Variants in RAB30 observed in about 807,000 individuals in gnomAD.
RAB30 encodes RAB30, member RAS oncogene family.
In RAB30, 9 loss-of-function variants were observed where a neutral mutation model predicts 25.1. The observed-to-expected ratio is 0.36, with a 90% confidence interval of 0.22 to 0.63. The LOEUF (loss-of-function observed/expected upper bound fraction) is 0.63, where lower values mean the gene tolerates loss of function less well. Ranked by LOEUF, RAB30 falls within the 20% of genes least tolerant of loss-of-function variation. RAB30 has a pLI of 0.69. For missense variants in RAB30, 140 were observed against 243.5 expected (o/e 0.58, Z 2.83); for synonymous variants, 77 against 86.4 (o/e 0.89, Z 0.60).
chr11:82,990,208 G>A (rs994253496), intron 3 of RAB30, among the ~76,000 whole-genome samples: 16 of 152,270 alleles, frequency 1.1e-4, no homozygotes, highest in Non-Finnish European at 1.0e-4. Flanking sequence ...TTGCCTCACC[G>A]TCATAATAAT....
intron 1 of RAB30, among the ~76,000 whole-genome samples, chr11:83,021,173 T>G (rs1283779815): frequency 6.6e-6 from 1 of 152,234 alleles, no homozygotes; most frequent in Non-Finnish European, 1.5e-5. Context: ...TTGCTTACCC[T>G]TCCGCCTGTC....
At chr11:82,991,569 A>G (rs1161603174) in intron 3 of RAB30, among the ~76,000 whole-genome samples, 2 of 151,182 alleles carry the variant, frequency 1.3e-5, no homozygotes, top group East Asian at 3.9e-4. Flanking sequence ...GCCCTCTTCT[A>G]AGAAAGGATT....
At chr11:82,993,824 A>G (rs1856904990) in intron 3 of RAB30, among the ~76,000 whole-genome samples, 2 of 152,158 alleles carry the variant, frequency 1.3e-5, no homozygotes, top group Admixed American at 1.3e-4. Flanking sequence ...TGCCTTAGCC[A>G]TTTTCTGTCT....
chr11:83,039,384 A>C (rs992037954), intron 1 of RAB30, among the ~76,000 whole-genome samples: 3 of 152,234 alleles, frequency 2.0e-5, no homozygotes, highest in African/African-American at 7.2e-5. Flanking sequence ...AAGTCCTAAG[A>C]AATGCCATTC....
At chr11:83,003,432 C>CT (rs989818786) in intron 1 of RAB30, among the ~76,000 whole-genome samples, 2 of 151,582 alleles carry the variant, frequency 1.3e-5, no homozygotes, top group African/African-American at 2.4e-5. Flanking sequence ...TTTCTTTTTT[C>CT]TTTTTTTTAG....
At chr11:83,069,867 C>T (rs1858792023) in intron 1 of RAB30, among the ~76,000 whole-genome samples, 1 of 152,150 alleles carries the variant, frequency 6.6e-6, no homozygotes, top group South Asian at 2.1e-4. Context: ...CATTGCTGCT[C>T]ATCCTGCCAA....
Position 82,987,905 on chromosome 11 carries a change from TAAAAAA to T in RAB30, c.178-141_178-136del, listed in dbSNP as rs35726383. On this transcript the variant is annotated intron_variant, in intron 3 of 4. Coordinates refer to ENST00000527633, the MANE Select transcript of RAB30 (RefSeq NM_001286060.2). Reference sequence around the variant, plus strand: ...ACAATTTCATGGTTATTTTCTGCCCTAAAAAAAAAAAAAAAAAAAAAAAAAAAAGCA... The same window carrying T: ...ACAATTTCATGGTTATTTTCTGCCCTAAAAAAAAAAAAAAAAAAAAAAGCA... The T allele has an allele frequency of 9.7e-3, 345 of 35,426 alleles. 3 individuals carry two copies. The highest frequency in any genetic ancestry group is 0.031 in the African/African-American group (254 of 8,184). The allele number at this position is 35,426 out of a possible 1,614,324, so 2.2% of individuals were successfully genotyped here. A position where few individuals can be genotyped will look rare whatever the true frequency, so the allele number is the denominator to read the frequency against.
chr11:83,071,065 A>G (rs1376250708), intron 1 of RAB30, among the ~76,000 whole-genome samples: 1 of 152,238 alleles, frequency 6.6e-6, no homozygotes, highest in Non-Finnish European at 1.5e-5. Context: ...AGCAGCCTGA[A>G]AGAACCTTCG....
rs372727150 is a variant in RAB30 at position 83,025,574 on chromosome 11, T to C, written c.-8-28250A>G. The stretch of plus-strand genomic sequence containing the variant: ...GAAATTACAATGCTGAATTATCCAG[T>C]CTGAGAGTTAACATGTTTACTGGGA... On this transcript the variant is annotated intron_variant, in intron 1 of 4. Transcript: ENST00000527633. 2.6e-3 allele frequency among the ~76,000 whole-genome samples: 400 copies of C among 152,326 alleles called. 1 individual carries two copies. The highest frequency in any genetic ancestry group is 9.1e-3 in the African/African-American group (377 of 41,568).
At chr11:83,009,933 T>C (rs1857268762) in intron 1 of RAB30, among the ~76,000 whole-genome samples, 1 of 152,182 alleles carries the variant, frequency 6.6e-6, no homozygotes, top group African/African-American at 2.4e-5. Context: ...ACCTATTTAC[T>C]TACTTTTACT....
intron 1 of RAB30, among the ~76,000 whole-genome samples, chr11:83,007,279 G>A (rs1857204441): frequency 6.6e-6 from 1 of 152,168 alleles, no homozygotes; most frequent in Admixed American, 6.5e-5. Context: ...CACATGCCAT[G>A]GATTGGGGGT....
chr11:83,001,754 T>C (rs1857090281), intron 1 of RAB30, among the ~76,000 whole-genome samples: 2 of 152,242 alleles, frequency 1.3e-5, no homozygotes, highest in East Asian at 3.9e-4. Flanking sequence ...GGGAAACCCA[T>C]TCAAAAGCAT....
At chr11:83,012,827 T>C (rs1857332757) in intron 1 of RAB30, among the ~76,000 whole-genome samples, 1 of 152,192 alleles carries the variant, frequency 6.6e-6, no homozygotes, top group African/African-American at 2.4e-5. Flanking sequence ...GCTTTGCTTC[T>C]CATGACCTGT....
chr11:83,071,644 G>A (rs755514), intron 1 of RAB30, 47 bp downstream of exon 1: 39,012 of 153,588 alleles, frequency 0.25, 5,727 homozygotes, highest in Admixed American at 0.32. Context: ...GAACTAAGCG[G>A]GAGGAATAAC....
At chr11:83,044,026 G>A (rs1157199756) in intron 1 of RAB30, among the ~76,000 whole-genome samples, 2 of 152,164 alleles carry the variant, frequency 1.3e-5, no homozygotes, top group Non-Finnish European at 2.9e-5. Flanking sequence ...CAGCCATTAA[G>A]GTTTTCTTCC....
chr11:83,039,296 T>C (rs970801652), intron 1 of RAB30, among the ~76,000 whole-genome samples: 20 of 152,230 alleles, frequency 1.3e-4, no homozygotes, highest in African/African-American at 4.1e-4. Context: ...ATCAATTTAA[T>C]TGAGAGTTTG....
intron 1 of RAB30, among the ~76,000 whole-genome samples, chr11:83,051,592 G>C (rs776220410): frequency 6.6e-6 from 1 of 152,044 alleles, no homozygotes; most frequent in South Asian, 2.1e-4. Flanking sequence ...GTCAGAACAG[G>C]GTAATAATTC....
chr11:82,986,177 T>C, intron 4 of RAB30, among the ~76,000 whole-genome samples: 1 of 152,170 alleles, frequency 6.6e-6, no homozygotes, highest in South Asian at 2.1e-4. Context: ...TATTGAAACA[T>C]GAATTAATAC....
intron 1 of RAB30, among the ~76,000 whole-genome samples, chr11:83,000,667 G>A (rs532077924): frequency 5.9e-4 from 90 of 152,258 alleles, no homozygotes; most frequent in Non-Finnish European, 9.6e-4. Context: ...GAAATCCAGA[G>A]GAGAATGTCA....
Sources: allele counts gnomAD v4.1 joint callset (sites outside exome capture counted in the v4.1 genomes callset), GRCh38; gene constraint gnomAD v4.1.1; transcripts MANE v1.5; gene names NCBI Gene and HGNC (gene_info 2026-07-23, HGNC 2026-07-21).